ZNF444: variants seen among roughly 807,000 people sequenced by gnomAD.
The protein encoded by ZNF444 is endothelial zinc finger protein 2.
Under a neutral mutation model 14.4 loss-of-function variants are expected in ZNF444, and 8 were observed. That is an observed-to-expected ratio of 0.56 (90% CI 0.33 to 1.00). The LOEUF (loss-of-function observed/expected upper bound fraction) is 1.00, where lower values mean the gene tolerates loss of function less well. Ranked by LOEUF, ZNF444 falls within the 50% of genes least tolerant of loss-of-function variation. The pLI, the probability that ZNF444 is intolerant of heterozygous loss-of-function variation, is 0.03. For missense variants in ZNF444, 510 were observed against 504.8 expected, an observed-to-expected ratio of 1.01 and a Z score of -0.10; for synonymous variants, 258 against 235.9, an observed-to-expected ratio of 1.09 and a Z score of -0.86.
In ZNF444 at chr19:56,144,256, C is replaced by T. The variant is rs949834295; in HGVS notation, c.-196-1991C>T. Among the ~76,000 whole-genome samples, 1 of 151,906 alleles carries T rather than the reference C, an allele frequency of 6.6e-6. No individual in the cohort carries two copies. The highest frequency in any genetic ancestry group is 2.4e-5 in the African/African-American group (1 of 41,324). On this transcript the variant is annotated intron_variant, in intron 1 of 4. Transcript: ENST00000337080. The surrounding 1 kb of genome is among the most constrained non-coding windows in gnomAD (Gnocchi z 4.0). ...CCCAGGAGGTCGGGGCTGCAATGAGCCGAGAGGTCATGCCACCGCTCCAGC... is the reference window on the plus strand; with the variant it reads ...CCCAGGAGGTCGGGGCTGCAATGAGTCGAGAGGTCATGCCACCGCTCCAGC...
At position 56,143,889 on chromosome 19, in the gene ZNF444, G is replaced by A. The variant is rs139815807; in HGVS notation, c.-196-2358G>A. Among the ~76,000 whole-genome samples the A allele has an allele frequency of 2.5e-4, 38 of 152,292 alleles. No individual in the cohort carries two copies. In the East Asian group the frequency reaches 7.3e-3, roughly 29 times the overall value. ...GAGGCTCTCCAAGGGGGTAATAATT[G>A]CATGGAGGCCTCAGTCATGAGAAGG... is the stretch of plus-strand genomic sequence containing the variant. On this transcript the variant is annotated intron_variant, in intron 1 of 4. Transcript: ENST00000337080.
chr19:56,144,855 C>T lies in ZNF444; in HGVS notation c.-196-1392C>T, dbSNP rs76016448. ...ATAATACTCCAGAGGTGTTCTGGGG[C>T]GGGCTGGCGCCTGAGCCCCATGGGG... On this transcript the variant is annotated intron_variant, in intron 1 of 4. Coordinates refer to ENST00000337080, the MANE Select transcript of ZNF444 (RefSeq NM_018337.4). The surrounding 1 kb of genome is among the most constrained non-coding windows in gnomAD (Gnocchi z 4.0). Among the ~76,000 whole-genome samples, 1,737 of 152,340 alleles carry T rather than the reference C, an allele frequency of 0.011. 17 individuals are homozygous for T. Among genetic ancestry groups the T allele is most frequent in the Non-Finnish European group, 0.019 (1,322 of 68,028 alleles).
chr19:56,133,664 T>G (rs1175257015), intron 1 of ZNF444, among the ~76,000 whole-genome samples: 1 of 147,858 alleles, frequency 6.8e-6, no homozygotes, highest in African/African-American at 2.7e-5. Context: ...TACAAAAAAA[T>G]TAGCCGGGCG....
In ZNF444 at chr19:56,146,920, G is replaced by T; in HGVS notation, c.9G>T (p.Val3=). Residue 3 remains valine, a synonymous_variant, in exon 3 of 5, where the codon GTG becomes GTT. Transcript: ENST00000337080. ME[V]AVPVKQEAEG... ...GCGGTCCGGGAGGCCCCATGGAGGTGGCGGTGCCCGTGAAGCAGGAGGCCG... is the reference window on the plus strand; with the variant it reads ...GCGGTCCGGGAGGCCCCATGGAGGTTGCGGTGCCCGTGAAGCAGGAGGCCG... 7.0e-7 allele frequency: 1 copy of T among 1,433,002 alleles called. No individual in the cohort carries two copies. Among genetic ancestry groups the T allele is most frequent in the Non-Finnish European group, 9.1e-7 (1 of 1,102,840 alleles). The allele number at this position is 1,433,002 out of a possible 1,614,324, so 88.8% of individuals were successfully genotyped here. A position where few individuals can be genotyped will look rare whatever the true frequency, so the allele number is the denominator to read the frequency against.
rs930418078 is a variant in ZNF444 at position 56,146,318 on chromosome 19, T to C, written c.-125T>C. ...GCCCAGGGCAGGACCCAGCCTGGAC[T>C]TGACTCCCTGGGATCCCAGGAAGGG... On this transcript the variant is annotated 5_prime_UTR_variant, in exon 2 of 5. Transcript: ENST00000337080. 1.3e-5 allele frequency: 2 copies of C among 152,454 alleles called. No individual in the cohort carries two copies. The highest frequency in any genetic ancestry group is 4.8e-5 in the African/African-American group (2 of 41,444). 9.4% of individuals were successfully genotyped at this position (152,454 alleles called of 1,614,324 possible).
intron 3 of ZNF444, chr19:56,155,227 C>G (rs536513999): frequency 6.6e-6 from 1 of 152,384 alleles, no homozygotes; most frequent in Non-Finnish European, 1.5e-5. Context: ...GCTCTGTGCT[C>G]GGAGCTCCCA....
chr19:56,133,535 G>A (rs937773820), intron 1 of ZNF444, among the ~76,000 whole-genome samples: 11 of 151,912 alleles, frequency 7.2e-5, no homozygotes, highest in Non-Finnish European at 1.3e-4. Context: ...TTCTCAGGCC[G>A]GGCGCGATGG....
chr19:56,148,564 C>T (rs1029300092), intron 3 of ZNF444, among the ~76,000 whole-genome samples: 2 of 152,054 alleles, frequency 1.3e-5, no homozygotes, highest in African/African-American at 2.4e-5. Context: ...CCTTCTCATG[C>T]GGCCCGACCA....
At chr19:56,150,496 G>C in intron 3 of ZNF444, 1 of 370,354 alleles carries the variant, frequency 2.7e-6, no homozygotes, top group Admixed American at 3.6e-5. Flanking sequence ...AATAAGGGCA[G>C]ATCTCAGGTT....
chr19:56,160,123 GGCAGCGGCCAGCGC>G lies in ZNF444; in HGVS notation c.911_924del (p.Ala304GlyfsTer97). 1 of 1,485,812 alleles carries G rather than the reference GGCAGCGGCCAGCGC, an allele frequency of 6.7e-7. No individual in the cohort carries two copies. Among genetic ancestry groups the G allele is most frequent in the Admixed American group, 2.3e-5 (1 of 43,380 alleles). 92.0% of individuals were successfully genotyped at this position (1,485,812 alleles called of 1,614,324 possible). ...TGCGCCACCAGCGCATCCACGGCCG[GGCAGCGGCCAGCGC>G]GCAGGGGGCGGTAGCTCCGGGCCCG... is the stretch of plus-strand genomic sequence containing the variant. On this transcript the variant is annotated frameshift_variant, in exon 5 of 5. Coordinates refer to ENST00000337080, the MANE Select transcript of ZNF444 (RefSeq NM_018337.4). LOFTEE classifies it low-confidence loss of function (END_TRUNC).
At chr19:56,153,460 T>C (rs956862268) in intron 3 of ZNF444, among the ~76,000 whole-genome samples, 5 of 152,128 alleles carry the variant, frequency 3.3e-5, no homozygotes, top group Non-Finnish European at 7.4e-5. Flanking sequence ...AGCCTCCTCT[T>C]CTCCTGCTGT....
At chr19:56,158,736 G>A in intron 4 of ZNF444, 134 bp downstream of exon 4, 1 of 773,648 alleles carries the variant, frequency 1.3e-6, no homozygotes, top group Non-Finnish European at 2.0e-6. Context: ...CCGGGGTTCG[G>A]ACCCAAGGGG....
rs550730539 is a variant in ZNF444, at chr19:56,153,802, C to A, written c.298-4692C>A. On this transcript the variant is annotated intron_variant, in intron 3 of 4. Transcript: ENST00000337080. ...AGGAAATGCCCCAGTCAGCCTGCGTCTCAGGTCGGAATTGAAGGGGAGGCC... is the reference window on the plus strand; with the variant it reads ...AGGAAATGCCCCAGTCAGCCTGCGTATCAGGTCGGAATTGAAGGGGAGGCC... 3.9e-5 allele frequency among the ~76,000 whole-genome samples: 6 copies of A among 152,286 alleles called. No homozygotes were observed. The South Asian group carries it at 1.2e-3, about 32-fold the overall frequency.
At chr19:56,135,974 T>C (rs888371702) in intron 1 of ZNF444, among the ~76,000 whole-genome samples, 7 of 145,840 alleles carry the variant, frequency 4.8e-5, no homozygotes, top group Admixed American at 1.4e-4. Context: ...CCCAGCCACT[T>C]GGGAGGCTGA....
intron 3 of ZNF444, chr19:56,150,278 A>G (rs1358854878): frequency 4.4e-6 from 1 of 224,788 alleles, no homozygotes; most frequent in Non-Finnish European, 9.0e-6. Context: ...GTTGCTTTTA[A>G]TGTATATATC....
At chr19:56,138,487 G>C (rs892967401), upstream of ZNF444, among the ~76,000 whole-genome samples, 2 of 151,988 alleles carry the variant, frequency 1.3e-5, no homozygotes, top group African/African-American at 2.4e-5. Context: ...AAAAAAATTA[G>C]CTGGGCGTGG....
chr19:56,139,868 G>T (rs998443322), upstream of ZNF444, among the ~76,000 whole-genome samples: 2 of 152,140 alleles, frequency 1.3e-5, no homozygotes, highest in African/African-American at 4.8e-5. Flanking sequence ...ATTATCTACT[G>T]CCCACCTTAG....
chr19:56,152,552 A>G (rs77450960), intron 3 of ZNF444, among the ~76,000 whole-genome samples: 3,748 of 149,866 alleles, frequency 0.025, 62 homozygotes, highest in South Asian at 0.039. Flanking sequence ...ACACGTTTAC[A>G]TTTATCTAGG....
In ZNF444 at chr19:56,147,900, A is replaced by G. The variant is rs978105188; in HGVS notation, c.297+692A>G. On this transcript the variant is annotated intron_variant, in intron 3 of 4. Transcript: ENST00000337080. The surrounding 1 kb of genome is among the most constrained non-coding windows in gnomAD (Gnocchi z 5.9). ...AAGGGCCGACTCACGTTCTGGGTGA[A>G]GTCTTGGTGCACAGCCACACCCACC... 1.3e-5 allele frequency among the ~76,000 whole-genome samples: 2 copies of G among 152,084 alleles called. No homozygotes were observed. The highest frequency in any genetic ancestry group is 4.8e-5 in the African/African-American group (2 of 41,408).
Sources: gnomAD v4.1 joint callset for allele counts (sites outside exome capture counted in the v4.1 genomes callset) on GRCh38, gnomAD v4.1.1 for gene constraint, Gnocchi (gnomAD v3.1) non-coding constraint, MANE v1.5 for transcripts, NCBI Gene and HGNC (gene_info 2026-07-23, HGNC 2026-07-21) for gene names.